CCDC15: variants seen among roughly 807,000 people sequenced by gnomAD.
CCDC15 encodes coiled-coil domain-containing protein 15.
In CCDC15, 105 loss-of-function variants were observed where a neutral mutation model predicts 114.5. The observed-to-expected ratio is 0.92, with a 90% CI of 0.78 to 1.08. The LOEUF is 1.08. Among genes scored for constraint, CCDC15 ranks in the 50% least tolerant of loss-of-function variants. CCDC15 has a pLI of 0.00. For synonymous variants in CCDC15, 334 were observed against 377.8 expected, an observed-to-expected ratio of 0.88 and a Z score of 1.34; for missense variants, 1,105 against 1,093.6, an observed-to-expected ratio of 1.01 and a Z score of -0.15.
rs1007896504 is a variant in CCDC15 at position 125,040,602 on chromosome 11, C to A, written c.2747C>A (p.Ala916Glu). ...CCTTTTTTTGCAGCATATACTCGGG[C>A]ACTACATTCATTCATCAATTCCTGT... is the stretch of plus-strand genomic sequence containing the variant. ...FYKNHRAYTR[A>E]LHSFINSCDV... The change falls in exon 16 of 16, where the codon GCA becomes GAA. Residue 916 changes from alanine (A) to glutamate (E), a missense_variant. By Grantham distance (107) the Ala-to-Glu change is moderately radical. Coordinates refer to ENST00000344762, the MANE Select transcript of CCDC15 (RefSeq NM_025004.3). 7 of 1,608,844 alleles carry A rather than the reference C, an allele frequency of 4.4e-6. No individual in the cohort carries two copies. The Admixed American group carries it at 6.7e-5, about 15-fold the overall frequency.
Position 124,988,130 on chromosome 11 carries a change from A to G in CCDC15, c.1904A>G (p.Tyr635Cys). The G allele has an allele frequency of 1.9e-6, 3 of 1,609,040 alleles. No homozygotes were observed. The highest frequency in any genetic ancestry group is 2.5e-6 in the Non-Finnish European group (3 of 1,178,154). Residue 635 changes from tyrosine (Y) to cysteine (C), a missense_variant, in exon 8 of 16, where the codon TAT becomes TGT. Physicochemically the swap from Tyr to Cys is radical, Grantham distance 194. Transcript: ENST00000344762. ...KCQDQDFLPK[Y>C]QKVHFKEPYS... Reference sequence around the variant, plus strand: ...CAGGACCAAGATTTTCTACCAAAATATCAGGTAAAATAGAGCAGAAAGGAG... The same window carrying G: ...CAGGACCAAGATTTTCTACCAAAATGTCAGGTAAAATAGAGCAGAAAGGAG...
chr11:125,017,363 A>G (rs527814318), intron 13 of CCDC15, among the ~76,000 whole-genome samples: 3 of 152,084 alleles, frequency 2.0e-5, no homozygotes, highest in South Asian at 2.1e-4. Flanking sequence ...CATGCACCAC[A>G]TAAAGATGTT....
intron 13 of CCDC15, among the ~76,000 whole-genome samples, chr11:125,023,999 T>C (rs1475485168): frequency 6.6e-6 from 1 of 151,874 alleles, no homozygotes; most frequent in South Asian, 2.1e-4. Context: ...AAGTATAAGG[T>C]TTCTTTATGG....
intron 13 of CCDC15, among the ~76,000 whole-genome samples, chr11:125,019,407 T>G (rs932882718): frequency 1.3e-5 from 2 of 151,986 alleles, no homozygotes; most frequent in Admixed American, 1.3e-4. Flanking sequence ...TAGATTTGAT[T>G]ACTCATTTCA....
chr11:124,988,195 G>A, intron 8 of CCDC15, 61 bp downstream of exon 8: 1 of 1,499,496 alleles, frequency 6.7e-7, no homozygotes. Context: ...GTTTGAGGAG[G>A]GATTTGTAAG....
At chr11:124,991,369 T>G in intron 8 of CCDC15, 92 bp from the exon 9 acceptor site, 1 of 808,704 alleles carries the variant, frequency 1.2e-6, no homozygotes, top group Admixed American at 3.0e-5. Context: ...TGAAAAAAAC[T>G]ACCCTTTGGC....
At chr11:124,963,339 T>C (rs1261309831) in intron 4 of CCDC15, among the ~76,000 whole-genome samples, 5 of 152,210 alleles carry the variant, frequency 3.3e-5, no homozygotes, top group African/African-American at 1.2e-4. Context: ...CCATTCTAAC[T>C]GGTGTGAGAT....
chr11:124,988,062 C>T lies in CCDC15; in HGVS notation c.1836C>T (p.Asp612=). The T allele has an allele frequency of 6.2e-7, 1 of 1,613,910 alleles. No individual in the cohort carries two copies. The highest frequency in any genetic ancestry group is 8.5e-7 in the Non-Finnish European group (1 of 1,179,866). Residue 612 remains aspartate (D), a synonymous_variant, in exon 8 of 16, where the codon GAC becomes GAT. Transcript: ENST00000344762. The stretch of plus-strand genomic sequence containing the variant: ...AGGACCGGGATTTTCTACCCAGAGA[C>T]CTGCATGTTCTCTCCAACGACCAGA... ...ICQDRDFLPR[D]LHVLSNDQNI... is the part of the protein sequence containing the mutation.
At chr11:125,012,560 A>T (rs1265345641) in intron 13 of CCDC15, among the ~76,000 whole-genome samples, 1 of 152,194 alleles carries the variant, frequency 6.6e-6, no homozygotes, top group Non-Finnish European at 1.5e-5. Flanking sequence ...TGAGCACAGA[A>T]GAAGGGATTA....
intron 15 of CCDC15, among the ~76,000 whole-genome samples, chr11:125,039,889 A>G (rs1948803840): frequency 6.6e-6 from 1 of 152,004 alleles, no homozygotes; most frequent in Non-Finnish European, 1.5e-5. Context: ...CCTCACACTC[A>G]GTTCTCTGTG....
Position 124,987,150 on chromosome 11 carries a change from A to C in CCDC15, c.924A>C (p.Leu308Phe). Reference protein sequence around the residue: ...RVQKVKFKNPLFVLMEEEEQK... With the variant: ...RVQKVKFKNPFFVLMEEEEQK... ...AGAAAGTAAAATTCAAAAATCCATTATTTGTTCTGATGGAAGAGGAAGAAC... is the reference window on the plus strand; with the variant it reads ...AGAAAGTAAAATTCAAAAATCCATTCTTTGTTCTGATGGAAGAGGAAGAAC... Residue 308 changes from leucine to phenylalanine, a missense_variant, in exon 8 of 16, where the codon TTA becomes TTC. By Grantham distance (22) the Leu-to-Phe change is conservative. Transcript: ENST00000344762. The C allele has an allele frequency of 6.6e-7, 1 of 1,512,802 alleles. No homozygotes were observed. The highest frequency in any genetic ancestry group is 1.4e-5 in the South Asian group (1 of 72,006). The allele number at this position is 1,512,802 out of a possible 1,614,324, so 93.7% of individuals were successfully genotyped here. A position where few individuals can be genotyped will look rare whatever the true frequency, so the allele number is the denominator to read the frequency against.
At chr11:125,004,576 A>G (rs746318591) in intron 12 of CCDC15, among the ~76,000 whole-genome samples, 2 of 152,036 alleles carry the variant, frequency 1.3e-5, no homozygotes, top group Non-Finnish European at 2.9e-5. Context: ...AAAAGAGTAT[A>G]TATAAATCCA....
At chr11:124,960,774 C>T (rs1264182628) in intron 4 of CCDC15, among the ~76,000 whole-genome samples, 1 of 152,124 alleles carries the variant, frequency 6.6e-6, no homozygotes, top group Non-Finnish European at 1.5e-5. Context: ...ATTTAGCCCC[C>T]ACCTTAGTAT....
intron 13 of CCDC15, among the ~76,000 whole-genome samples, chr11:125,014,169 A>G (rs1412342891): frequency 1.3e-5 from 2 of 152,322 alleles, no homozygotes; most frequent in East Asian, 1.9e-4. Context: ...AGCATACACT[A>G]AGAACATCGT....
At chr11:125,011,236 A>ATTTT (rs1223910842) in intron 13 of CCDC15, among the ~76,000 whole-genome samples, 1 of 133,622 alleles carries the variant, frequency 7.5e-6, no homozygotes, top group African/African-American at 3.1e-5. Flanking sequence ...TATTATTATT[A>ATTTT]TTATTATTAT....
intron 13 of CCDC15, among the ~76,000 whole-genome samples, chr11:125,026,903 C>A (rs904739396): frequency 1.3e-5 from 2 of 152,112 alleles, no homozygotes; most frequent in Non-Finnish European, 2.9e-5. Context: ...ACTCTTCCCC[C>A]AAAGCCCCAG....
chr11:124,965,073 G>A (rs1486553153), intron 4 of CCDC15, among the ~76,000 whole-genome samples: 2 of 152,116 alleles, frequency 1.3e-5, no homozygotes, highest in Non-Finnish European at 2.9e-5. Flanking sequence ...TTGCATCGAT[G>A]TTCATCAGGG....
intron 13 of CCDC15, among the ~76,000 whole-genome samples, chr11:125,035,878 TAAC>T (rs374999451): frequency 0.015 from 2,222 of 152,274 alleles, 59 homozygotes; most frequent in African/African-American, 0.05. Context: ...CTCTACACTT[TAAC>T]ATCATGCCCC....
chr11:124,971,365 G>T (rs1381084340), intron 4 of CCDC15, among the ~76,000 whole-genome samples: 1 of 152,170 alleles, frequency 6.6e-6, no homozygotes, highest in Non-Finnish European at 1.5e-5. Context: ...AAAAACCAGG[G>T]CATCTCTTCT....
Sources: gnomAD v4.1 joint callset for allele counts (sites outside exome capture counted in the v4.1 genomes callset) on GRCh38, gnomAD v4.1.1 for gene constraint, MANE v1.5 for transcripts, NCBI Gene and HGNC (gene_info 2026-07-23, HGNC 2026-07-21) for gene names.